Variants in CLMP observed in about 807,000 individuals in gnomAD.
The protein encoded by CLMP is CXADR like cell adhesion molecule, also known as CXADR-like membrane protein.
In CLMP, 27 loss-of-function variants were observed where a neutral mutation model predicts 45.2. The ratio of observed to expected loss-of-function variants is 0.60; its 90% CI spans 0.44 to 0.82. The LOEUF (loss-of-function observed/expected upper bound fraction) is 0.82, where lower values mean the gene tolerates loss of function less well. Among genes scored for constraint, CLMP ranks in the 40% least tolerant of loss-of-function variants. The pLI is 0.00. For synonymous variants in CLMP, 167 were observed against 171.4 expected (o/e 0.97, Z 0.20); for missense variants, 403 against 448.4 (o/e 0.90, Z 0.91).
chr11:123,098,112 A>G, intron 1 of CLMP, 160 bp from the exon 2 acceptor site: 1 of 466,312 alleles, frequency 2.1e-6, no homozygotes, highest in South Asian at 6.8e-5. Flanking sequence ...CTGGTCTCAC[A>G]CTGGCTCCTC....
chr11:123,160,365 T>C (rs952805110), intron 1 of CLMP, among the ~76,000 whole-genome samples: 2 of 149,338 alleles, frequency 1.3e-5, no homozygotes, highest in African/African-American at 2.5e-5. Context: ...CCTGAGAAGA[T>C]AGATACTGAC....
chr11:123,070,218 T>C lies in CLMP; in HGVS notation c.*3256A>G, dbSNP rs1436164185. 6.6e-6 allele frequency: 1 copy of C among 152,240 alleles called. No individual in the cohort carries two copies. The highest frequency in any genetic ancestry group is 2.4e-5 in the African/African-American group (1 of 41,460). 9.4% of individuals were successfully genotyped at this position (152,240 alleles called of 1,614,324 possible). On this transcript the variant is annotated 3_prime_UTR_variant, in exon 7 of 7. Coordinates refer to ENST00000448775, the MANE Select transcript of CLMP (RefSeq NM_024769.5). ...AGTTTTTCTTCTACTATTCGGTTAT[T>C]TCTCCTTTTTTTGTTTCCTATTTCA...
chr11:123,133,337 T>C (rs1861019747), intron 1 of CLMP, among the ~76,000 whole-genome samples: 1 of 152,190 alleles, frequency 6.6e-6, no homozygotes, highest in African/African-American at 2.4e-5. Context: ...ACTCCAGTTT[T>C]ATTAAGAATC....
chr11:123,187,277 T>C (rs1861848159), intron 1 of CLMP, among the ~76,000 whole-genome samples: 1 of 152,200 alleles, frequency 6.6e-6, no homozygotes. Context: ...CTGGTCTACA[T>C]GGAAGCCGTG....
intron 1 of CLMP, among the ~76,000 whole-genome samples, chr11:123,171,772 C>G (rs369213424): frequency 6.6e-6 from 1 of 152,046 alleles, no homozygotes; most frequent in African/African-American, 2.4e-5. Context: ...CTAATTCAAG[C>G]AAGAGAGAAA....
Position 123,187,229 on chromosome 11 carries a change from G to A in CLMP, c.28+7684C>T, listed in dbSNP as rs1401354138. On this transcript the variant is annotated intron_variant, in intron 1 of 6. Coordinates refer to ENST00000448775, the MANE Select transcript of CLMP (RefSeq NM_024769.5). Reference sequence around the variant, plus strand: ...AGCCTGGCTTCCAGCAGGGTCTGGGGAGCCCAGGGGCCAATTCTTACAGCG... The same window carrying A: ...AGCCTGGCTTCCAGCAGGGTCTGGGAAGCCCAGGGGCCAATTCTTACAGCG... 2.0e-5 allele frequency among the ~76,000 whole-genome samples: 3 copies of A among 152,144 alleles called. No homozygotes were observed. The East Asian group carries it at 5.8e-4, about 29-fold the overall frequency.
At chr11:123,169,982 T>A (rs556357137) in intron 1 of CLMP, among the ~76,000 whole-genome samples, 1 of 152,330 alleles carries the variant, frequency 6.6e-6, no homozygotes, top group East Asian at 1.9e-4. Context: ...ATTATGCAGA[T>A]AAAGTCTCCA....
chr11:123,142,666 C>T (rs189809495), intron 1 of CLMP, among the ~76,000 whole-genome samples: 3,597 of 127,888 alleles, frequency 0.028, 107 homozygotes, highest in East Asian at 0.13. Flanking sequence ...TGTGCCCAGG[C>T]CGGACTGCGG....
chr11:123,135,825 C>T (rs1861063275), intron 1 of CLMP: 1 of 368,320 alleles, frequency 2.7e-6, no homozygotes, highest in Non-Finnish European at 5.4e-6. Flanking sequence ...TCTCCTTGCC[C>T]TACAGACTCT....
At chr11:123,152,549 A>C (rs1861351870) in intron 1 of CLMP, among the ~76,000 whole-genome samples, 1 of 150,860 alleles carries the variant, frequency 6.6e-6, no homozygotes, top group Non-Finnish European at 1.5e-5. Flanking sequence ...TAAATAAATA[A>C]ATAAATAAAT....
At chr11:123,148,141 A>G (rs1861265392) in intron 1 of CLMP, among the ~76,000 whole-genome samples, 1 of 152,244 alleles carries the variant, frequency 6.6e-6, no homozygotes, top group Non-Finnish European at 1.5e-5. Context: ...TAAGTAAGTT[A>G]ACATGTGTAG....
At chr11:123,146,069 A>G (rs1383051339) in intron 1 of CLMP, among the ~76,000 whole-genome samples, 2 of 152,160 alleles carry the variant, frequency 1.3e-5, no homozygotes, top group Non-Finnish European at 2.9e-5. Context: ...TAGCATCCCT[A>G]TTTTATAGAT....
chr11:123,113,725 T>C (rs1179850618), intron 1 of CLMP, among the ~76,000 whole-genome samples: 1 of 152,134 alleles, frequency 6.6e-6, no homozygotes, highest in African/African-American at 2.4e-5. Flanking sequence ...AGACTGGGGG[T>C]TGACTATTTG....
chr11:123,081,189 A>G (rs1383424311), intron 5 of CLMP, among the ~76,000 whole-genome samples: 5 of 152,074 alleles, frequency 3.3e-5, no homozygotes, highest in Admixed American at 3.3e-4. Flanking sequence ...AACAACAAAA[A>G]AAAACAGGGT....
chr11:123,157,314 G>C (rs1241806675), intron 1 of CLMP, among the ~76,000 whole-genome samples: 1 of 152,154 alleles, frequency 6.6e-6, no homozygotes, highest in African/African-American at 2.4e-5. Context: ...CAGCACTTTG[G>C]GAGGTCGAGG....
intron 1 of CLMP, among the ~76,000 whole-genome samples, chr11:123,139,061 C>A (rs1049621070): frequency 6.6e-6 from 1 of 152,110 alleles, no homozygotes; most frequent in Non-Finnish European, 1.5e-5. Flanking sequence ...ATAAATTCTA[C>A]TGGAACACAG....
In CLMP at chr11:123,166,406, G is replaced by C. The variant is rs1250187148; in HGVS notation, c.28+28507C>G. Among the ~76,000 whole-genome samples the C allele has an allele frequency of 2.6e-5, 4 of 152,240 alleles. No homozygotes were observed. In the East Asian group the frequency reaches 7.7e-4, roughly 29 times the overall value. ...CCTGACAGAGCTTGTGTATCAGCCT[G>C]ACGGCTTCAATAGCCCAGAGTCTGC... On this transcript the variant is annotated intron_variant, in intron 1 of 6. Coordinates refer to ENST00000448775, the MANE Select transcript of CLMP (RefSeq NM_024769.5).
At chr11:123,191,184 T>C (rs1222255784) in intron 1 of CLMP, among the ~76,000 whole-genome samples, 2 of 152,216 alleles carry the variant, frequency 1.3e-5, no homozygotes, top group Non-Finnish European at 2.9e-5. Flanking sequence ...CTCTTAGTTT[T>C]CCTCCAGTTC....
intron 1 of CLMP, among the ~76,000 whole-genome samples, chr11:123,189,674 T>C (rs1861880161): frequency 6.6e-6 from 1 of 152,174 alleles, no homozygotes; most frequent in African/African-American, 2.4e-5. Flanking sequence ...GTACATTTAC[T>C]AGGTATGCTT....
Sources: gnomAD v4.1 joint callset for allele counts (sites outside exome capture counted in the v4.1 genomes callset) on GRCh38, gnomAD v4.1.1 for gene constraint, MANE v1.5 for transcripts, NCBI Gene and HGNC (gene_info 2026-07-23, HGNC 2026-07-21) for gene names.